Variants in RGS7 observed in about 807,000 individuals in gnomAD.
RGS7 encodes regulator of G protein signaling 7, also known as regulator of G-protein signaling 7.
RGS7 carries 27 observed loss-of-function variants against 81.1 expected under a neutral mutation model. The ratio of observed to expected loss-of-function variants is 0.33; its 90% confidence interval spans 0.25 to 0.46. The LOEUF (loss-of-function observed/expected upper bound fraction) is 0.46. Among genes scored for constraint, RGS7 ranks in the 20% least tolerant of loss-of-function variants. RGS7 has a pLI of 1.00. For missense variants in RGS7, 396 were observed against 607.4 expected (o/e 0.65, Z 3.66); for synonymous variants, 208 against 207.7 (o/e 1.00, Z -0.01).
rs1370654188 is a variant in RGS7 at position 241,129,009 on chromosome 1, T to G, written c.79-30247A>C. 2.0e-5 allele frequency among the ~76,000 whole-genome samples: 3 copies of G among 152,168 alleles called. No individual in the cohort carries two copies. In the East Asian group the frequency reaches 5.8e-4, roughly 29 times the overall value. ...ATGTTAACGGAAGGACAACTACTATTTATACACAATTAGCATGGAGGAGAG... is the reference window on the plus strand; with the variant it reads ...ATGTTAACGGAAGGACAACTACTATGTATACACAATTAGCATGGAGGAGAG... On this transcript the variant is annotated intron_variant, in intron 2 of 18. Transcript: ENST00000440928.
chr1:240,960,377 G>A (rs2148471516), intron 4 of RGS7, among the ~76,000 whole-genome samples: 1 of 150,228 alleles, frequency 6.7e-6, no homozygotes, highest in Admixed American at 6.6e-5. Flanking sequence ...CCAAGTAGCT[G>A]GGTCTACAGG....
At chr1:241,194,134 C>G (rs1397367134) in intron 2 of RGS7, among the ~76,000 whole-genome samples, 1 of 152,154 alleles carries the variant, frequency 6.6e-6, no homozygotes, top group Non-Finnish European at 1.5e-5. Flanking sequence ...TACACCAAAC[C>G]TAAATTTTTT....
chr1:241,211,466 G>T (rs7531199), intron 2 of RGS7, among the ~76,000 whole-genome samples: 63 of 152,300 alleles, frequency 4.1e-4, no homozygotes, highest in African/African-American at 1.4e-3. Context: ...ACCGTAGCTG[G>T]AGTAGTGAGC....
At chr1:240,950,118 T>C (rs866881752) in intron 4 of RGS7, among the ~76,000 whole-genome samples, 17 of 152,008 alleles carry the variant, frequency 1.1e-4, no homozygotes, top group African/African-American at 3.9e-4. Context: ...AACATGAAAA[T>C]AGCTCTTCTG....
intron 6 of RGS7, among the ~76,000 whole-genome samples, chr1:240,914,033 G>A (rs1012948772): frequency 3.3e-5 from 5 of 150,796 alleles, no homozygotes; most frequent in Admixed American, 6.6e-5. Context: ...TCTAGCATTA[G>A]GTATATCTCC....
chr1:240,793,611 A>ATATTTTTTTTTTTTTTT, intron 18 of RGS7, among the ~76,000 whole-genome samples: 13 of 78,808 alleles, frequency 1.6e-4, no homozygotes, highest in African/African-American at 9.7e-4. Context: ...ATATATATAT[A>ATATTTTTTTTTTTTTTT]TTTTTTTTTT....
Position 241,164,269 on chromosome 1 carries a change from C to A in RGS7, c.79-65507G>T, listed in dbSNP as rs1189760354. 2.9e-5 allele frequency among the ~76,000 whole-genome samples: 1 copy of A among 34,330 alleles called. No individual in the cohort carries two copies. The highest frequency in any genetic ancestry group is 5.1e-5 in the Non-Finnish European group (1 of 19,788). 22.5% of individuals were successfully genotyped at this position (34,330 alleles called of 152,430 possible). A position where few individuals can be genotyped will look rare whatever the true frequency, so the allele number is the denominator to read the frequency against. The stretch of plus-strand genomic sequence containing the variant: ...TATCCAGAAGCTCTCAGAACCCTAT[C>A]CTCTTTTTTTTTTTTTTAAGCTTCA... On this transcript the variant is annotated intron_variant, in intron 2 of 18. Transcript: ENST00000440928. This position sits in a 1 kb window ranked among gnomAD's most constrained non-coding sequence, Gnocchi z 4.1.
intron 2 of RGS7, among the ~76,000 whole-genome samples, chr1:241,229,079 GA>G (rs1466801158): frequency 6.7e-6 from 1 of 150,350 alleles, no homozygotes; most frequent in African/African-American, 2.4e-5. Context: ...AAAAAAGAAG[GA>G]AAAACCATAC....
chr1:240,872,571 G>A (rs1247291804), intron 6 of RGS7, among the ~76,000 whole-genome samples: 4 of 152,200 alleles, frequency 2.6e-5, no homozygotes, highest in South Asian at 4.1e-4. Flanking sequence ...GCTCTTGACC[G>A]GATAGGCCCA....
intron 3 of RGS7, among the ~76,000 whole-genome samples, chr1:241,001,959 T>C (rs1326150894): frequency 6.6e-6 from 1 of 151,874 alleles, no homozygotes; most frequent in Non-Finnish European, 1.5e-5. Flanking sequence ...GACGCGTCAG[T>C]GCGATAATGA....
At chr1:241,043,634 A>G (rs1411844123) in intron 3 of RGS7, among the ~76,000 whole-genome samples, 1 of 147,510 alleles carries the variant, frequency 6.8e-6, no homozygotes, top group Non-Finnish European at 1.5e-5. Context: ...TATAATACAT[A>G]TTATAATACA....
At chr1:241,189,477 T>A (rs1329286798) in intron 2 of RGS7, among the ~76,000 whole-genome samples, 5 of 152,200 alleles carry the variant, frequency 3.3e-5, no homozygotes, top group Non-Finnish European at 5.9e-5. Context: ...TGGCTTTTCA[T>A]CCTTACTTAA....
At chr1:241,006,982 T>A (rs1013084854) in intron 3 of RGS7, among the ~76,000 whole-genome samples, 2 of 152,180 alleles carry the variant, frequency 1.3e-5, no homozygotes, top group African/African-American at 4.8e-5. Context: ...AGTGGTGTGA[T>A]CTTGGCTCAC....
intron 2 of RGS7, among the ~76,000 whole-genome samples, chr1:241,116,875 CTG>C (rs2065917739): frequency 6.6e-6 from 1 of 152,112 alleles, no homozygotes; most frequent in Admixed American, 6.6e-5. Context: ...GTATAGAACA[CTG>C]TAACTTATTT....
intron 3 of RGS7, among the ~76,000 whole-genome samples, chr1:241,035,160 A>G (rs1248500747): frequency 6.6e-6 from 1 of 152,164 alleles, no homozygotes; most frequent in Non-Finnish European, 1.5e-5. Flanking sequence ...CTAGAATAGC[A>G]ACATTAAGGG....
At chr1:241,308,748 G>T (rs540894234) in intron 2 of RGS7, among the ~76,000 whole-genome samples, 1 of 152,218 alleles carries the variant, frequency 6.6e-6, no homozygotes, top group East Asian at 1.9e-4. Flanking sequence ...TGTGCGGGGG[G>T]CCCTCTTAGC....
chr1:241,034,194 T>C lies in RGS7; in HGVS notation c.176-51065A>G, dbSNP rs1210216728. Among the ~76,000 whole-genome samples the C allele has an allele frequency of 2.0e-5, 3 of 152,260 alleles. No individual in the cohort carries two copies. In the East Asian group the frequency reaches 5.8e-4, roughly 29 times the overall value. On this transcript the variant is annotated intron_variant, in intron 3 of 18. Transcript: ENST00000440928. ...GATGAGAATTCAGAGATTTGTGCCA[T>C]GTCATCCTCGACTACAGCCTTAGTA...
chr1:241,169,568 C>T (rs1489811612), intron 2 of RGS7, among the ~76,000 whole-genome samples: 2 of 151,966 alleles, frequency 1.3e-5, no homozygotes, highest in East Asian at 3.9e-4. Context: ...TGGTCTTGAA[C>T]TCCTGACCTT....
chr1:240,793,606 TATATA>T (rs375228461), intron 18 of RGS7, among the ~76,000 whole-genome samples: 34 of 87,316 alleles, frequency 3.9e-4, no homozygotes, highest in African/African-American at 6.6e-4. Flanking sequence ...TATATATATA[TATATA>T]TTTTTTTTTT....
Sources: allele counts gnomAD v4.1 joint callset (sites outside exome capture counted in the v4.1 genomes callset), GRCh38; gene constraint gnomAD v4.1.1; non-coding constraint Gnocchi (gnomAD v3.1); transcripts MANE v1.5; gene names NCBI Gene and HGNC (gene_info 2026-07-23, HGNC 2026-07-21).